The following METTL6 variants were observed in gnomAD, a reference collection of about 807,000 sequenced individuals.
METTL6 encodes the protein methyltransferase 6, tRNA N3-cytidine, also known as tRNA N(3)-cytidine methyltransferase METTL6.
METTL6 carries 22 observed loss-of-function variants against 26.4 expected under a neutral mutation model. The observed-to-expected ratio is 0.83, with a 90% CI of 0.59 to 1.19. METTL6 has a LOEUF of 1.19. METTL6 is among the 50% of genes most tolerant of loss of function. The pLI is 0.00. For synonymous variants in METTL6, 109 were observed against 116.2 expected (o/e 0.94, Z 0.40); for missense variants, 304 against 324.8 (o/e 0.94, Z 0.49).
At chr3:15,421,938 T>C (rs1190193843) in intron 3 of METTL6, among the ~76,000 whole-genome samples, 2 of 151,898 alleles carry the variant, frequency 1.3e-5, no homozygotes, top group Non-Finnish European at 2.9e-5. Flanking sequence ...ATAAAATAAT[T>C]TTTTTTTGTA....
rs527409540 is a variant in METTL6, at chr3:15,410,004, A to G, written c.*1252T>C. On this transcript the variant is annotated 3_prime_UTR_variant, in exon 6 of 6. Coordinates refer to ENST00000383790, the MANE Select transcript of METTL6 (RefSeq NM_152396.4). ...ACTTACAGTCACATGAGTAATGACAAGAATCTCTTTACGTGCTACAGGGTC... is the reference window on the plus strand; with the variant it reads ...ACTTACAGTCACATGAGTAATGACAGGAATCTCTTTACGTGCTACAGGGTC... 9.2e-5 allele frequency among the ~76,000 whole-genome samples: 14 copies of G among 152,298 alleles called. No individual in the cohort carries two copies. Among genetic ancestry groups the G allele is most frequent in the Non-Finnish European group, 1.9e-4 (13 of 68,020 alleles).
In METTL6 at chr3:15,409,775, G is replaced by C. The variant is rs1699897638; in HGVS notation, c.*1481C>G. ...GAGCCATGGAGGGTTCTTGAGCACA[G>C]ACAGAGCAAAAGTGGTATTTGTGGA... On this transcript the variant is annotated 3_prime_UTR_variant, in exon 6 of 6. Coordinates refer to ENST00000383790, the MANE Select transcript of METTL6 (RefSeq NM_152396.4). 6.6e-6 allele frequency among the ~76,000 whole-genome samples: 1 copy of C among 152,206 alleles called. No individual in the cohort carries two copies. Among genetic ancestry groups the C allele is most frequent in the Admixed American group, 6.5e-5 (1 of 15,280 alleles).
chr3:15,399,278 T>C (rs543244351), intron 6 of METTL6: 6 of 146,598 alleles, frequency 4.1e-5, no homozygotes, highest in African/African-American at 1.3e-4. Context: ...GAAATAACTA[T>C]AAAAATAGCC....
At chr3:15,426,170 A>G (rs1322055857) in intron 2 of METTL6, 117 bp downstream of exon 2, 18 of 930,776 alleles carry the variant, frequency 1.9e-5, no homozygotes, top group Non-Finnish European at 2.8e-5. Context: ...CGATCTCTTG[A>G]CTTCGTGATC....
downstream of METTL6, among the ~76,000 whole-genome samples, chr3:15,405,901 T>C (rs894451526): frequency 2.0e-5 from 3 of 152,154 alleles, no homozygotes; most frequent in Non-Finnish European, 4.4e-5. Context: ...TTCAAAGAAG[T>C]TGGTAGTTTG....
intron 4 of METTL6, chr3:15,414,599 C>T (rs1277294899): frequency 7.4e-6 from 2 of 271,874 alleles, no homozygotes; most frequent in East Asian, 1.4e-4. Context: ...AAGTAATTTG[C>T]CCACCTCAGT....
intron 6 of METTL6, chr3:15,399,364 C>T (rs1462550974): frequency 6.6e-6 from 1 of 152,058 alleles, no homozygotes; most frequent in Non-Finnish European, 1.5e-5. Flanking sequence ...GCTTGCTTTC[C>T]CTTTACTCAA....
At chr3:15,412,481 TTTG>T (rs1700010258) in intron 5 of METTL6, among the ~76,000 whole-genome samples, 1 of 151,998 alleles carries the variant, frequency 6.6e-6, no homozygotes. Flanking sequence ...TGCATTTTGT[TTTG>T]TTTTGTTTTG....
chr3:15,418,888 T>G (rs924160363), intron 3 of METTL6, among the ~76,000 whole-genome samples: 4 of 151,858 alleles, frequency 2.6e-5, no homozygotes, highest in South Asian at 4.2e-4. Flanking sequence ...ATCCTAGGAG[T>G]AAAGGACTCC....
intron 5 of METTL6, among the ~76,000 whole-genome samples, chr3:15,411,667 T>C (rs1274297470): frequency 6.6e-6 from 1 of 152,084 alleles, no homozygotes; most frequent in African/African-American, 2.4e-5. Flanking sequence ...AAGGACAACC[T>C]GGTGTTCGCA....
downstream of METTL6, among the ~76,000 whole-genome samples, chr3:15,404,894 A>G (rs1041562507): frequency 1.3e-5 from 2 of 152,142 alleles, no homozygotes; most frequent in Non-Finnish European, 1.5e-5. Flanking sequence ...ACTTACTTAA[A>G]TTTGTGAGAA....
At chr3:15,423,745 C>T (rs1038820934) in intron 3 of METTL6, among the ~76,000 whole-genome samples, 8 of 151,852 alleles carry the variant, frequency 5.3e-5, no homozygotes, top group African/African-American at 1.5e-4. Flanking sequence ...TAGCTGGGCA[C>T]GGTGGCACAT....
intron 5 of METTL6, among the ~76,000 whole-genome samples, chr3:15,412,799 G>C (rs1473639438): frequency 2.0e-5 from 3 of 151,790 alleles, no homozygotes; most frequent in Non-Finnish European, 4.4e-5. Flanking sequence ...ATTCATTTTG[G>C]TATCTAAAAG....
downstream of METTL6, among the ~76,000 whole-genome samples, chr3:15,406,586 TTATATATATATATATATATATATATA>T (rs57272118): frequency 8.4e-4 from 15 of 17,886 alleles, no homozygotes; most frequent in Non-Finnish European, 1.1e-3. Context: ...AAACAAACAG[TTATATATATATATATATATATATATA>T]TATATATATA....
chr3:15,383,134 G>A (rs909245040), exon 7 of METTL6: 12 of 152,162 alleles, frequency 7.9e-5, no homozygotes, highest in Admixed American at 7.2e-4. Flanking sequence ...ATGGCTCCCT[G>A]GTATAATGAG....
At chr3:15,400,226 C>T (rs552220816) in intron 6 of METTL6, among the ~76,000 whole-genome samples, 21 of 152,136 alleles carry the variant, frequency 1.4e-4, no homozygotes, top group African/African-American at 4.6e-4. Context: ...ACCTCCTCTC[C>T]GCACCCCCAC....
At chr3:15,416,905 C>T (rs1700230457) in intron 3 of METTL6, among the ~76,000 whole-genome samples, 1 of 152,122 alleles carries the variant, frequency 6.6e-6, no homozygotes, top group Non-Finnish European at 1.5e-5. Flanking sequence ...ATTTGTAAAT[C>T]CAATGCAATC....
rs113334328 is a variant in METTL6, at chr3:15,418,953, T to C, written c.361-3011A>G. Among the ~76,000 whole-genome samples, 1,155 of 152,220 alleles carry C rather than the reference T, an allele frequency of 7.6e-3. 24 individuals carry two copies. The highest frequency in any genetic ancestry group is 0.027 in the African/African-American group (1,107 of 41,532). On this transcript the variant is annotated intron_variant, in intron 3 of 5. Transcript: ENST00000383790. ...GGAAAAGATTAATATTTTGCCATGA[T>C]AATTTAAATCCTGTGTAGCCTGGGC...
intron 3 of METTL6, among the ~76,000 whole-genome samples, chr3:15,421,327 ACT>A (rs2061607086): frequency 6.6e-6 from 1 of 152,248 alleles, no homozygotes; most frequent in Non-Finnish European, 1.5e-5. Context: ...AAAATTGGAT[ACT>A]GTGTCTATGT....
Sources: gnomAD v4.1 joint callset for allele counts (sites outside exome capture counted in the v4.1 genomes callset) on GRCh38, gnomAD v4.1.1 for gene constraint, MANE v1.5 for transcripts, NCBI Gene and HGNC (gene_info 2026-07-23, HGNC 2026-07-21) for gene names.